Variants in PDCD11 observed in about 807,000 individuals in gnomAD.
The protein encoded by PDCD11 is protein RRP5 homolog.
In PDCD11, 97 loss-of-function variants were observed where a neutral mutation model predicts 198.9. The observed-to-expected ratio is 0.49, with a 90% CI of 0.41 to 0.58. PDCD11 has a LOEUF of 0.58. PDCD11 is among the 20% of genes least tolerant of loss of function. PDCD11 has a pLI of 0.00. For missense variants in PDCD11, 2,102 were observed against 2,312.7 expected (o/e 0.91, Z 1.87); for synonymous variants, 893 against 918.0 (o/e 0.97, Z 0.49).
chr10:103,408,575 C>G (rs184730239), intron 7 of PDCD11, among the ~76,000 whole-genome samples: 132 of 152,182 alleles, frequency 8.7e-4, no homozygotes, highest in African/African-American at 3.1e-3. Flanking sequence ...GAGTCTTGCT[C>G]TGTCACCTAG....
chr10:103,423,500 C>A, intron 18 of PDCD11, 43 bp from the exon 19 acceptor site: 1 of 1,434,734 alleles, frequency 7.0e-7, no homozygotes, highest in Non-Finnish European at 9.8e-7. Context: ...TCTCCCTTCA[C>A]TCTGTTCCAG....
chr10:103,443,119 T>A, intron 32 of PDCD11, 46 bp from the exon 33 acceptor site: 1 of 1,512,408 alleles, frequency 6.6e-7, no homozygotes, highest in South Asian at 1.3e-5. Flanking sequence ...GGCGGGAGGC[T>A]CACTGGTTTC....
chr10:103,402,563 T>C (rs12413386), intron 3 of PDCD11, among the ~76,000 whole-genome samples: 65,567 of 151,816 alleles, frequency 0.43, 15,034 homozygotes, highest in South Asian at 0.66. Flanking sequence ...CTCAGCCTCC[T>C]GAGTAGCTGG....
chr10:103,421,696 G>A (rs1235876391), intron 17 of PDCD11, 129 bp downstream of exon 17: 1 of 664,216 alleles, frequency 1.5e-6, no homozygotes, highest in East Asian at 2.9e-5. Flanking sequence ...CGGGCGCGGT[G>A]GCTCACGCCT....
chr10:103,415,460 G>A (rs936741731), intron 12 of PDCD11, among the ~76,000 whole-genome samples: 1 of 152,214 alleles, frequency 6.6e-6, no homozygotes, highest in Non-Finnish European at 1.5e-5. Flanking sequence ...CAGAATTGTT[G>A]ACGTTATCAG....
At chr10:103,421,230 G>C (rs1013785765) in intron 16 of PDCD11, 118 bp from the exon 17 acceptor site, 1 of 732,066 alleles carries the variant, frequency 1.4e-6, no homozygotes, top group Admixed American at 2.2e-5. Flanking sequence ...GAGAGGGCTT[G>C]GGGGAGCTTC....
At chr10:103,442,085 CG>C in intron 31 of PDCD11, 110 bp downstream of exon 31, 1 of 1,535,968 alleles carries the variant, frequency 6.5e-7, no homozygotes, top group Non-Finnish European at 8.9e-7. Context: ...GAGGGGGCAG[CG>C]GCCAGTCCCA....
intron 17 of PDCD11, 43 bp from the exon 18 acceptor site, chr10:103,422,945 T>C: frequency 7.1e-7 from 1 of 1,415,976 alleles, no homozygotes; most frequent in Non-Finnish European, 9.3e-7. Flanking sequence ...CAGTGAGAGT[T>C]CTTTCATGGT....
At position 103,444,036 on chromosome 10, in the gene PDCD11, A is replaced by G. The variant is rs1329229493; in HGVS notation, c.5246A>G (p.Gln1749Arg). 1 of 1,612,496 alleles carries G rather than the reference A, an allele frequency of 6.2e-7. No homozygotes were observed. Among genetic ancestry groups the G allele is most frequent in the South Asian group, 1.1e-5 (1 of 91,006 alleles). Residue 1749 changes from glutamine (Q) to arginine (R), a missense_variant, in exon 34 of 36, where the codon CAG becomes CGG. Physicochemically the swap from Gln to Arg is conservative, Grantham distance 43 (BLOSUM62 1). Transcript: ENST00000369797. ...GCTGCAGCCAGTCACCGCGTGCTGCAGCGAGCCCTGGAGTGCCTGCCTAGC... is the reference window on the plus strand; with the variant it reads ...GCTGCAGCCAGTCACCGCGTGCTGCGGCGAGCCCTGGAGTGCCTGCCTAGC... Reference protein sequence around the residue: ...SQAAASHRVLQRALECLPSKE... With the variant: ...SQAAASHRVLRRALECLPSKE...
intron 21 of PDCD11, among the ~76,000 whole-genome samples, chr10:103,431,063 G>C (rs1174736390): frequency 6.6e-6 from 1 of 152,036 alleles, no homozygotes; most frequent in Non-Finnish European, 1.5e-5. Context: ...GCCTCCCAAA[G>C]TGCTGGGGCA....
At chr10:103,415,231 C>CACAAAGTGAGTGTGTA in intron 12 of PDCD11, 80 bp downstream of exon 12, 1 of 1,443,786 alleles carries the variant, frequency 6.9e-7, no homozygotes. Context: ...TGCCTTTTTC[C>CACAAAGTGAGTGTGTA]ACAAAGTGAG....
chr10:103,438,670 C>G lies in PDCD11; in HGVS notation c.3903-16C>G. 6.2e-7 allele frequency: 1 copy of G among 1,614,050 alleles called. No individual in the cohort carries two copies. Among genetic ancestry groups the G allele is most frequent in the Non-Finnish European group, 8.5e-7 (1 of 1,179,986 alleles). On this transcript the variant is annotated splice_polypyrimidine_tract_variant and intron_variant, in intron 26 of 35. Coordinates refer to ENST00000369797, the MANE Select transcript of PDCD11 (RefSeq NM_014976.2). ...TGGAGGTTAAAGGTGTGCATGTAAGCCTTTTATTCCTTTAGAACAAACCCG... is the reference window on the plus strand; with the variant it reads ...TGGAGGTTAAAGGTGTGCATGTAAGGCTTTTATTCCTTTAGAACAAACCCG...
chr10:103,415,619 A>G (rs747111041), intron 12 of PDCD11, among the ~76,000 whole-genome samples: 38 of 152,258 alleles, frequency 2.5e-4, no homozygotes, highest in Non-Finnish European at 4.6e-4. Context: ...GGGAAATTAA[A>G]GCTTCGGAAA....
At chr10:103,427,180 C>T in intron 20 of PDCD11, 149 bp from the exon 21 acceptor site, 1 of 708,970 alleles carries the variant, frequency 1.4e-6, no homozygotes, top group South Asian at 1.6e-5. Context: ...AAACCTTCAG[C>T]CTGACACATC....
chr10:103,437,606 A>G (rs975753571), intron 25 of PDCD11, among the ~76,000 whole-genome samples: 4 of 149,286 alleles, frequency 2.7e-5, no homozygotes, highest in East Asian at 3.9e-4. Context: ...TCCTGCCTCA[A>G]CCTCCCCAGT....
intron 35 of PDCD11, 32 bp from the exon 36 acceptor site, chr10:103,445,346 C>T: frequency 1.2e-6 from 2 of 1,611,204 alleles, no homozygotes; most frequent in Non-Finnish European, 1.7e-6. Context: ...CTGGGACTGA[C>T]AGGCAAATGC....
intron 23 of PDCD11, 39 bp from the exon 24 acceptor site, chr10:103,434,209 C>G: frequency 7.1e-7 from 1 of 1,406,288 alleles, no homozygotes; most frequent in Non-Finnish European, 1.0e-6. Context: ...AAATGACAGC[C>G]TTTCTTCAAG....
chr10:103,439,537 A>G (rs1299781466), intron 27 of PDCD11, among the ~76,000 whole-genome samples: 1 of 152,168 alleles, frequency 6.6e-6, no homozygotes, highest in Non-Finnish European at 1.5e-5. Context: ...CACAGTGTGG[A>G]GTAAAAAATA....
At chr10:103,404,295 TTTTG>T (rs950913728) in intron 4 of PDCD11, among the ~76,000 whole-genome samples, 20 of 150,112 alleles carry the variant, frequency 1.3e-4, no homozygotes, top group East Asian at 3.9e-4. Context: ...GACCTATGAT[TTTTG>T]TTTGTTTGTT....
Sources: allele counts gnomAD v4.1 joint callset (sites outside exome capture counted in the v4.1 genomes callset), GRCh38; gene constraint gnomAD v4.1.1; transcripts MANE v1.5; gene names NCBI Gene and HGNC (gene_info 2026-07-23, HGNC 2026-07-21).